Variants in PRRC2C observed in about 807,000 individuals in gnomAD.
PRRC2C encodes the protein protein PRRC2C.
In PRRC2C, 72 loss-of-function variants were observed where a neutral mutation model predicts 317.2. That is an observed-to-expected ratio of 0.23 (90% CI 0.19 to 0.28). PRRC2C has a LOEUF of 0.28. Ranked by LOEUF, PRRC2C falls within the 10% of genes least tolerant of loss-of-function variation. PRRC2C has a pLI of 1.00. For missense variants in PRRC2C, 3,074 were observed against 3,459.7 expected, an observed-to-expected ratio of 0.89 and a Z score of 2.80; for synonymous variants, 1,296 against 1,205.9, an observed-to-expected ratio of 1.07 and a Z score of -1.55.
chr1:171,550,023 A>G, intron 17 of PRRC2C, 63 bp from the exon 18 acceptor site: 9 of 1,400,690 alleles, frequency 6.4e-6, no homozygotes, highest in Non-Finnish European at 7.6e-6. Flanking sequence ...ACTGTACTAA[A>G]CATTTTTATT....
In PRRC2C at chr1:171,579,958, C is replaced by G; in HGVS notation, c.7403C>G (p.Pro2468Arg). The G allele has an allele frequency of 6.5e-7, 1 of 1,539,654 alleles. No homozygotes were observed. The highest frequency in any genetic ancestry group is 8.7e-7 in the Non-Finnish European group (1 of 1,149,450). Residue 2468 changes from proline to arginine, a missense_variant, in exon 28 of 35, where the codon CCA becomes CGA. By Grantham distance (103) the Pro-to-Arg change is moderately radical. Around this residue, in one of 11 missense-constraint regions of PRRC2C, gnomAD observed 490 missense variants for 663.1 expected, o/e 0.74. Transcript: ENST00000647382. ...AQELFSSSLQPYRSQPAFMQS... is the reference protein window; with the variant it reads ...AQELFSSSLQRYRSQPAFMQS... Reference sequence around the variant, plus strand: ...GAATTGTTCAGCTCCTCACTTCAACCATATAGGTAAATGCTTTAAAAGTTA... The same window carrying G: ...GAATTGTTCAGCTCCTCACTTCAACGATATAGGTAAATGCTTTAAAAGTTA...
chr1:171,547,652 T>G (rs1165135948), intron 17 of PRRC2C, among the ~76,000 whole-genome samples: 3 of 148,652 alleles, frequency 2.0e-5, no homozygotes, highest in Non-Finnish European at 4.5e-5. Context: ...TTTTGTTTTT[T>G]TTTTTTTTTG....
intron 26 of PRRC2C, among the ~76,000 whole-genome samples, chr1:171,578,569 T>C (rs538736950): frequency 5.5e-4 from 83 of 151,690 alleles, no homozygotes; most frequent in African/African-American, 2.0e-3. Flanking sequence ...CATACTACTA[T>C]ATAAAAACAG....
Position 171,558,244 on chromosome 1 carries a change from T to A in PRRC2C, c.6031+101T>A, listed in dbSNP as rs142857060. 5.8e-4 allele frequency: 773 copies of A among 1,342,868 alleles called. 6 individuals carry two copies. The East Asian group carries it at 0.013, about 23-fold the overall frequency. 83.2% of individuals were successfully genotyped at this position (1,342,868 alleles called of 1,614,324 possible). A position where few individuals can be genotyped will look rare whatever the true frequency, so the allele number is the denominator to read the frequency against. ...ACTCTTTAAGTGTTTTCTAGCCATC[T>A]CATTTTTTATTGTAGGAAAAAGTAA... On this transcript the variant is annotated intron_variant, in intron 19 of 34. Transcript: ENST00000647382.
Position 171,537,999 on chromosome 1 carries a change from C to T in PRRC2C, c.2504+526C>T, listed in dbSNP as rs1419339519. Reference sequence around the variant, plus strand: ...CACTGCAAGCTCTGCCTCCCGGGTTCACACCATTCTTCTGCCTCAGCCTCC... The same window carrying T: ...CACTGCAAGCTCTGCCTCCCGGGTTTACACCATTCTTCTGCCTCAGCCTCC... On this transcript the variant is annotated intron_variant, in intron 15 of 34. Coordinates refer to ENST00000647382, the MANE Select transcript of PRRC2C (RefSeq NM_001387844.1). 5.3e-5 allele frequency among the ~76,000 whole-genome samples: 8 copies of T among 152,194 alleles called. No individual in the cohort carries two copies. In the East Asian group the frequency reaches 1.5e-3, roughly 29 times the overall value.
In PRRC2C at chr1:171,535,436, C is replaced by T; in HGVS notation, c.1882C>T (p.Pro628Ser). 1 of 1,612,438 alleles carries T rather than the reference C, an allele frequency of 6.2e-7. No homozygotes were observed. The highest frequency in any genetic ancestry group is 1.7e-5 in the Admixed American group (1 of 59,630). The change falls in exon 13 of 35, where the codon CCC becomes TCC. Residue 628 changes from proline to serine, a missense_variant. By Grantham distance (74) the Pro-to-Ser change is moderately conservative. Coordinates refer to ENST00000647382, the MANE Select transcript of PRRC2C (RefSeq NM_001387844.1). The stretch of plus-strand genomic sequence containing the variant: ...ACCTTTTCTTTGAGCAGAGGAGGAA[C>T]CCGTTTTCACTAGACAAGACAGCAA... ...SENSCNKEEE[P>S]VFTRQDSNRS...
At position 171,557,529 on chromosome 1, in the gene PRRC2C, C is replaced by T. The variant is rs745560891; in HGVS notation, c.5417C>T (p.Ser1806Leu). 1 of 1,551,502 alleles carries T rather than the reference C, an allele frequency of 6.4e-7. No individual in the cohort carries two copies. The highest frequency in any genetic ancestry group is 1.4e-5 in the African/African-American group (1 of 72,990). ...TCAACCTCAGCTCCAGTTCCAGCCT[C>T]ACCCTTAGCTCCAGTTTCAGCCTCA... The part of the protein sequence containing the change: ...LASTSAPVPA[S>L]PLAPVSASAS... Residue 1806 changes from serine to leucine, a missense_variant, in exon 19 of 35, where the codon TCA becomes TTA. Coordinates refer to ENST00000647382, the MANE Select transcript of PRRC2C (RefSeq NM_001387844.1).
At chr1:171,588,659 T>C (rs991193805) in intron 33 of PRRC2C, among the ~76,000 whole-genome samples, 154 bp downstream of exon 33, 1 of 152,258 alleles carries the variant, frequency 6.6e-6, no homozygotes, top group Non-Finnish European at 1.5e-5. Flanking sequence ...TTTATAAAGA[T>C]AGTCTGCGAT....
At chr1:171,570,981 C>G (rs556505830) in intron 23 of PRRC2C, among the ~76,000 whole-genome samples, 311 of 152,256 alleles carry the variant, frequency 2.0e-3, no homozygotes, top group Non-Finnish European at 3.5e-3. Context: ...CCAATTGAAT[C>G]AAAATCTGCT....
At chr1:171,560,467 TGAAAG>T (rs1357967389) in intron 19 of PRRC2C, among the ~76,000 whole-genome samples, 1 of 152,228 alleles carries the variant, frequency 6.6e-6, no homozygotes, top group Non-Finnish European at 1.5e-5. Context: ...AGAGAATTCA[TGAAAG>T]GAATAGTCAG....
At chr1:171,524,996 T>A (rs1161886454) in intron 10 of PRRC2C, 31 bp downstream of exon 10, 14 of 1,511,756 alleles carry the variant, frequency 9.3e-6, no homozygotes, top group Non-Finnish European at 1.3e-5. Flanking sequence ...TCCTTGTTAT[T>A]GCAAGGATCT....
In PRRC2C at chr1:171,592,066, C is replaced by T; in HGVS notation, c.*219C>T. ...GCTTGTACCTACTATATAACATGTG[C>T]TTGGTTGATGGCCATGCATCTTCAG... On this transcript the variant is annotated 3_prime_UTR_variant, in exon 35 of 35. Coordinates refer to ENST00000647382, the MANE Select transcript of PRRC2C (RefSeq NM_001387844.1). 1 of 472,994 alleles carries T rather than the reference C, an allele frequency of 2.1e-6. No individual in the cohort carries two copies. The highest frequency in any genetic ancestry group is 3.6e-6 in the Non-Finnish European group (1 of 274,814). 29.3% of individuals were successfully genotyped at this position (472,994 alleles called of 1,614,324 possible).
Position 171,515,854 on chromosome 1 carries a change from C to T in PRRC2C, c.521C>T (p.Pro174Leu), listed in dbSNP as rs1182976273. The change falls in exon 5 of 35, where the codon CCA becomes CTA. Residue 174 changes from proline (P) to leucine (L), a missense_variant. Physicochemically the swap from Pro to Leu is moderately conservative, Grantham distance 98. This residue lies in a region of PRRC2C where 237 missense variants were observed against 199.5 expected (regional missense o/e 1.19). Coordinates refer to ENST00000647382, the MANE Select transcript of PRRC2C (RefSeq NM_001387844.1). ...TATGGACCTGGACCCAGTTTACGTC[C>T]ACCAAGTAAGAGTACTTTCTCTTTA... Reference protein sequence around the residue: ...DNYGPGPSLRPPNVACWRDGG... With the variant: ...DNYGPGPSLRLPNVACWRDGG... 1 of 1,591,776 alleles carries T rather than the reference C, an allele frequency of 6.3e-7. No homozygotes were observed. Among genetic ancestry groups the T allele is most frequent in the Non-Finnish European group, 8.5e-7 (1 of 1,171,512 alleles).
At chr1:171,576,311 G>A (rs1685688285) in intron 25 of PRRC2C, among the ~76,000 whole-genome samples, 1 of 152,058 alleles carries the variant, frequency 6.6e-6, no homozygotes, top group African/African-American at 2.4e-5. Flanking sequence ...CGTTTCCCCA[G>A]GTCTAGATTT....
chr1:171,570,826 T>C (rs539403211), intron 23 of PRRC2C, among the ~76,000 whole-genome samples: 1 of 152,222 alleles, frequency 6.6e-6, no homozygotes, highest in Non-Finnish European at 1.5e-5. Context: ...GCTGTCATGT[T>C]AAATACTTCT....
chr1:171,562,772 G>A (rs770249545), intron 20 of PRRC2C, among the ~76,000 whole-genome samples: 12 of 152,150 alleles, frequency 7.9e-5, no homozygotes, highest in Non-Finnish European at 1.6e-4. Flanking sequence ...TAGTTCAGAA[G>A]AGTTCATCTA....
intron 24 of PRRC2C, among the ~76,000 whole-genome samples, chr1:171,574,472 T>C (rs1462562153): frequency 1.3e-5 from 2 of 152,220 alleles, no homozygotes; most frequent in Non-Finnish European, 2.9e-5. Flanking sequence ...CATGAAATGC[T>C]TGAGATCTGG....
Position 171,513,065 on chromosome 1 carries a change from C to T in PRRC2C, c.183C>T (p.Asn61=), listed in dbSNP as rs750077680. ...CACGGCGTATGCCTCCACCTGCTAA[C>T]CTCCCAAGTCTTAAAGCAGAAAACA... The part of the protein sequence containing the change: ...GISRRMPPPA[N]LPSLKAENKG... Residue 61 remains asparagine, a synonymous_variant, in exon 3 of 35, where the codon AAC becomes AAT. Transcript: ENST00000647382. 1 of 1,613,762 alleles carries T rather than the reference C, an allele frequency of 6.2e-7. No homozygotes were observed. The highest frequency in any genetic ancestry group is 2.2e-5 in the East Asian group (1 of 44,862).
chr1:171,516,550 G>C (rs895781318), intron 5 of PRRC2C, among the ~76,000 whole-genome samples: 1 of 152,168 alleles, frequency 6.6e-6, no homozygotes, highest in Non-Finnish European at 1.5e-5. Flanking sequence ...ATTTGTATTA[G>C]AAATAGATGT....
Sources: gnomAD v4.1 joint callset for allele counts (sites outside exome capture counted in the v4.1 genomes callset) on GRCh38, gnomAD v4.1.1 for gene constraint, gnomAD v4.1.1 regional missense constraint, MANE v1.5 for transcripts, NCBI Gene and HGNC (gene_info 2026-07-23, HGNC 2026-07-21) for gene names.